CDH13: variants seen among roughly 807,000 people sequenced by gnomAD.
CDH13 encodes the protein cadherin 13.
Under a neutral mutation model 63.8 loss-of-function variants are expected in CDH13, and 24 were observed. The observed-to-expected ratio is 0.38, with a 90% confidence interval of 0.27 to 0.53. CDH13 has a LOEUF of 0.53. Ranked by LOEUF, CDH13 falls within the 20% of genes least tolerant of loss-of-function variation. The pLI, the probability that CDH13 is intolerant of heterozygous loss-of-function variation, is 0.85. For synonymous variants in CDH13, 503 were observed against 355.3 expected (o/e 1.42, Z -4.67); for missense variants, 1,049 against 903.1 (o/e 1.16, Z -2.07).
chr16:83,225,249 A>C (rs1174051345), intron 5 of CDH13, among the ~76,000 whole-genome samples: 1 of 152,214 alleles, frequency 6.6e-6, no homozygotes, highest in African/African-American at 2.4e-5. Flanking sequence ...GCCTTGATGA[A>C]GATGACCTTT....
At chr16:83,547,612 T>A (rs2075409808) in intron 7 of CDH13, among the ~76,000 whole-genome samples, 1 of 152,224 alleles carries the variant, frequency 6.6e-6, no homozygotes, top group South Asian at 2.1e-4. Flanking sequence ...TCCATCCATG[T>A]TCCTGCAAAG....
intron 5 of CDH13, among the ~76,000 whole-genome samples, chr16:83,306,363 C>G (rs1400212030): frequency 6.6e-6 from 1 of 152,132 alleles, no homozygotes; most frequent in Non-Finnish European, 1.5e-5. Flanking sequence ...GGGCAGATGT[C>G]TCACAAATGC....
rs73606319 is a variant in CDH13 at position 83,173,275 on chromosome 16, T to A, written c.484-44070T>A. ...GCAGTCTGACCCTGGGGGTGACATT[T>A]AAACTACTTTATTGCTGGGTTCTAT... On this transcript the variant is annotated intron_variant, in intron 4 of 13. Transcript: ENST00000567109. 2.4e-3 allele frequency among the ~76,000 whole-genome samples: 361 copies of A among 152,250 alleles called. 3 individuals are homozygous for A. Among genetic ancestry groups the A allele is most frequent in the African/African-American group, 8.4e-3 (348 of 41,576 alleles).
intron 6 of CDH13, among the ~76,000 whole-genome samples, chr16:83,379,099 A>G (rs569494914): frequency 3.3e-5 from 5 of 152,146 alleles, no homozygotes; most frequent in Admixed American, 6.5e-5. Context: ...GCTTTACCCC[A>G]TGGGAAGAAT....
intron 1 of CDH13, among the ~76,000 whole-genome samples, chr16:82,821,903 A>G (rs770206142): frequency 2.5e-4 from 38 of 152,298 alleles, no homozygotes; most frequent in Non-Finnish European, 5.0e-4. Flanking sequence ...ATGCTTCCTA[A>G]TCCTGGGGAT....
At chr16:83,224,245 C>T (rs1597549551) in intron 5 of CDH13, among the ~76,000 whole-genome samples, 1 of 152,232 alleles carries the variant, frequency 6.6e-6, no homozygotes, top group Non-Finnish European at 1.5e-5. Context: ...TCTTTATTCA[C>T]TCATTGATTG....
intron 2 of CDH13, among the ~76,000 whole-genome samples, chr16:83,018,478 T>C (rs577885436): frequency 6.6e-6 from 1 of 152,292 alleles, no homozygotes; most frequent in East Asian, 1.9e-4. Context: ...AATGCTGGAA[T>C]TGCTTCCACA....
At chr16:83,309,512 G>A (rs1313002227) in intron 5 of CDH13, among the ~76,000 whole-genome samples, 5 of 152,224 alleles carry the variant, frequency 3.3e-5, no homozygotes, top group Non-Finnish European at 7.3e-5. Context: ...GAGGAGGTGG[G>A]ATTACAGGCG....
intron 6 of CDH13, among the ~76,000 whole-genome samples, chr16:83,358,568 C>A (rs1295210074): frequency 1.3e-5 from 2 of 152,150 alleles, no homozygotes; most frequent in Non-Finnish European, 2.9e-5. Context: ...GTAGCCAAAT[C>A]TAATAACAGC....
chr16:82,696,219 A>C (rs976833631), intron 1 of CDH13, among the ~76,000 whole-genome samples: 1 of 152,162 alleles, frequency 6.6e-6, no homozygotes, highest in East Asian at 1.9e-4. Flanking sequence ...GCATAATTCT[A>C]TTGTGTTGCT....
intron 8 of CDH13, among the ~76,000 whole-genome samples, chr16:83,609,908 ATC>A (rs1908701536): frequency 6.6e-6 from 1 of 151,692 alleles, no homozygotes; most frequent in Non-Finnish European, 1.5e-5. Flanking sequence ...GCCACCACTG[ATC>A]TACTGTCAGC....
At chr16:83,171,595 C>A in intron 4 of CDH13, 2 of 1,516,740 alleles carry the variant, frequency 1.3e-6, no homozygotes, top group African/African-American at 1.4e-5. Flanking sequence ...TTTGAAATAT[C>A]TGTGTCTCTA....
chr16:83,014,170 T>C (rs766297878), intron 2 of CDH13, among the ~76,000 whole-genome samples: 2 of 152,024 alleles, frequency 1.3e-5, no homozygotes, highest in Non-Finnish European at 1.5e-5. Flanking sequence ...GAATTGCCGA[T>C]ATTATAAAAC....
At chr16:82,648,377 G>T (rs1405140087) in intron 1 of CDH13, among the ~76,000 whole-genome samples, 6 of 152,186 alleles carry the variant, frequency 3.9e-5, no homozygotes, top group African/African-American at 1.4e-4. Flanking sequence ...GGAAGTAGTT[G>T]CCACATGCCT....
chr16:83,782,326 T>C (rs947322674), intron 12 of CDH13, among the ~76,000 whole-genome samples: 2 of 152,120 alleles, frequency 1.3e-5, no homozygotes, highest in African/African-American at 2.4e-5. Flanking sequence ...TGGGTGATGG[T>C]GGCTATTGCC....
chr16:82,848,092 T>A (rs1269922955), intron 1 of CDH13, among the ~76,000 whole-genome samples: 1 of 152,158 alleles, frequency 6.6e-6, no homozygotes, highest in Non-Finnish European at 1.5e-5. Context: ...AAGTTGGAGG[T>A]TTTGTAACAA....
chr16:83,161,507 G>A (rs1296819280), intron 4 of CDH13, among the ~76,000 whole-genome samples: 1 of 152,102 alleles, frequency 6.6e-6, no homozygotes, highest in Admixed American at 6.5e-5. Flanking sequence ...TATATTTTCA[G>A]ATAGAAACAG....
intron 3 of CDH13, among the ~76,000 whole-genome samples, chr16:83,084,034 A>C (rs1028121923): frequency 6.6e-6 from 1 of 152,146 alleles, no homozygotes; most frequent in Non-Finnish European, 1.5e-5. Flanking sequence ...TTTTTACTAC[A>C]CTTTGTGGCC....
intron 10 of CDH13, among the ~76,000 whole-genome samples, chr16:83,733,072 C>G (rs1315132593): frequency 6.6e-6 from 1 of 152,188 alleles, no homozygotes; most frequent in Non-Finnish European, 1.5e-5. Flanking sequence ...AGGAAGCTCC[C>G]CACCTTGATC....
Sources: allele counts gnomAD v4.1 joint callset (sites outside exome capture counted in the v4.1 genomes callset), GRCh38; gene constraint gnomAD v4.1.1; transcripts MANE v1.5; gene names NCBI Gene and HGNC (gene_info 2026-07-23, HGNC 2026-07-21).